MAPK10: variants seen among roughly 807,000 people sequenced by gnomAD.
MAPK10 encodes the protein mitogen-activated protein kinase 10, also known as JNK3 alpha protein kinase.
A neutral mutation model predicts 59.3 loss-of-function variants in MAPK10; 25 were observed. The observed-to-expected ratio is 0.42, with a 90% CI of 0.31 to 0.59. The LOEUF (loss-of-function observed/expected upper bound fraction) is 0.59, where lower values mean the gene tolerates loss of function less well. MAPK10 is among the 20% of genes least tolerant of loss of function. The probability of loss-of-function intolerance (pLI) is 0.15; values close to 1 mark genes in which losing one functional copy is unlikely to be tolerated. For synonymous variants in MAPK10, 190 were observed against 200.5 expected, an observed-to-expected ratio of 0.95 and a Z score of 0.44; for missense variants, 351 against 568.9, an observed-to-expected ratio of 0.62 and a Z score of 3.90.
intron 2 of MAPK10, among the ~76,000 whole-genome samples, chr4:86,301,042 C>T (rs1050088950): frequency 6.6e-6 from 1 of 152,080 alleles, no homozygotes; most frequent in Non-Finnish European, 1.5e-5. Flanking sequence ...ATATTTTGTG[C>T]TGAAACAGTC....
At chr4:86,038,883 T>C (rs1171715510) in intron 11 of MAPK10, among the ~76,000 whole-genome samples, 1 of 152,188 alleles carries the variant, frequency 6.6e-6, no homozygotes, top group East Asian at 1.9e-4. Flanking sequence ...TCCTATGATT[T>C]CTCAGTAATG....
chr4:86,119,546 T>C (rs1216105883), intron 4 of MAPK10: 2 of 134,008 alleles, frequency 1.5e-5, no homozygotes, highest in Non-Finnish European at 3.0e-5. Context: ...AGTGAGCCAC[T>C]GCATTCCAGC....
intron 1 of MAPK10, among the ~76,000 whole-genome samples, chr4:86,587,126 T>C (rs1181476702): frequency 1.3e-5 from 2 of 152,238 alleles, no homozygotes; most frequent in Non-Finnish European, 2.9e-5. Flanking sequence ...CAGGCTATCA[T>C]GTGTGGAACA....
intron 4 of MAPK10, among the ~76,000 whole-genome samples, chr4:86,112,048 T>C (rs10212744): frequency 0.57 from 86,082 of 151,804 alleles, 26,531 homozygotes; most frequent in South Asian, 0.74. Context: ...TTTGTAGTTC[T>C]GTGGGGTGAT....
intron 9 of MAPK10, chr4:86,091,071 T>G (rs930228430): frequency 6.6e-6 from 1 of 152,078 alleles, no homozygotes; most frequent in African/African-American, 2.4e-5. Flanking sequence ...GTATTTATTA[T>G]GTAGAGTTTT....
At chr4:86,098,468 T>C (rs929706802) in intron 9 of MAPK10, 56 bp downstream of exon 9, 4 of 1,609,692 alleles carry the variant, frequency 2.5e-6, no homozygotes, top group African/African-American at 1.3e-5. Flanking sequence ...TCATTATGTG[T>C]TTAAAAGGGA....
chr4:86,065,015 C>T (rs955396913), intron 10 of MAPK10: 1 of 152,114 alleles, frequency 6.6e-6, no homozygotes, highest in African/African-American at 2.4e-5. Context: ...AAGGATCCTC[C>T]CATCCCAGCT....
At chr4:86,483,295 G>A (rs1449763679) in intron 1 of MAPK10, among the ~76,000 whole-genome samples, 1 of 151,880 alleles carries the variant, frequency 6.6e-6, no homozygotes, top group Non-Finnish European at 1.5e-5. Context: ...CCATATTTTA[G>A]GTCAGTTAAC....
chr4:86,176,305 C>T (rs2075674788), intron 3 of MAPK10, among the ~76,000 whole-genome samples: 1 of 152,064 alleles, frequency 6.6e-6, no homozygotes, highest in Admixed American at 6.6e-5. Context: ...TACAAATTAA[C>T]CATACACTGA....
chr4:86,149,385 G>C (rs922631549), intron 4 of MAPK10, among the ~76,000 whole-genome samples: 1 of 152,112 alleles, frequency 6.6e-6, no homozygotes, highest in African/African-American at 2.4e-5. Context: ...TCCCGCCTCA[G>C]CCCCACAAGT....
At chr4:86,563,778 G>C (rs912139203) in intron 1 of MAPK10, among the ~76,000 whole-genome samples, 3 of 152,164 alleles carry the variant, frequency 2.0e-5, no homozygotes, top group Admixed American at 6.5e-5. Flanking sequence ...AGGCCAGATG[G>C]AGCTGGACAG....
intron 1 of MAPK10, among the ~76,000 whole-genome samples, chr4:86,562,594 T>C (rs556184571): frequency 6.6e-6 from 1 of 151,352 alleles, no homozygotes; most frequent in South Asian, 2.1e-4. Flanking sequence ...ACTTGGGAGG[T>C]TGAGGTGGGA....
At chr4:86,029,657 C>A (rs186279461) in intron 12 of MAPK10, among the ~76,000 whole-genome samples, 4 of 152,092 alleles carry the variant, frequency 2.6e-5, no homozygotes, top group Admixed American at 2.0e-4. Flanking sequence ...TTTCTGAATT[C>A]TTTGGGGGAA....
intron 6 of MAPK10, among the ~76,000 whole-genome samples, chr4:86,102,661 C>T (rs920384876): frequency 6.6e-6 from 1 of 152,130 alleles, no homozygotes; most frequent in African/African-American, 2.4e-5. Context: ...GCTGGGACTA[C>T]AGGTGCATGC....
At chr4:86,478,055 C>T (rs988615978) in intron 1 of MAPK10, among the ~76,000 whole-genome samples, 2 of 152,172 alleles carry the variant, frequency 1.3e-5, no homozygotes, top group Non-Finnish European at 1.5e-5. Flanking sequence ...CTTTCCCCAC[C>T]GATTGTGTCC....
At chr4:86,067,718 C>T (rs1305930975) in intron 10 of MAPK10, 55 bp downstream of exon 10, 5 of 1,453,376 alleles carry the variant, frequency 3.4e-6, no homozygotes. Context: ...ATACTGTGTG[C>T]TTGTTTGGCC....
intron 1 of MAPK10, among the ~76,000 whole-genome samples, chr4:86,507,144 T>C (rs1755802902): frequency 6.6e-6 from 1 of 151,930 alleles, no homozygotes. Context: ...AATTACTACA[T>C]ATCCAACATA....
chr4:86,179,126 T>C (rs1562757111), intron 3 of MAPK10, among the ~76,000 whole-genome samples: 1 of 151,886 alleles, frequency 6.6e-6, no homozygotes, highest in Non-Finnish European at 1.5e-5. Flanking sequence ...CACTTGAACC[T>C]GGGAAGTGGA....
At chr4:86,431,120 GAAAA>G (rs1284823190) in intron 1 of MAPK10, among the ~76,000 whole-genome samples, 1 of 151,316 alleles carries the variant, frequency 6.6e-6, no homozygotes, top group Admixed American at 6.6e-5. Context: ...AGAAAGAAAA[GAAAA>G]AAGAAAAGGA....
Sources: allele counts gnomAD v4.1 joint callset (sites outside exome capture counted in the v4.1 genomes callset), GRCh38; gene constraint gnomAD v4.1.1; transcripts MANE v1.5; gene names NCBI Gene and HGNC (gene_info 2026-07-23, HGNC 2026-07-21).